DIDO1: variants seen among roughly 807,000 people sequenced by gnomAD.
The protein encoded by DIDO1 is death-inducer obliterator 1.
A neutral mutation model predicts 99.4 loss-of-function variants in DIDO1; 16 were observed. That is an observed-to-expected ratio of 0.16 (90% confidence interval 0.11 to 0.24). The LOEUF (loss-of-function observed/expected upper bound fraction) is 0.24, where lower values mean the gene tolerates loss of function less well. DIDO1 is among the 10% of genes least tolerant of loss of function. DIDO1 has a pLI of 1.00. For synonymous variants in DIDO1, 1,366 were observed against 1,239.1 expected (o/e 1.10, Z -2.15); for missense variants, 2,996 against 3,014.0 (o/e 0.99, Z 0.14).
chr20:62,881,930 G>T lies in DIDO1; in HGVS notation c.4026C>A (p.Leu1342=), dbSNP rs1600903056. The T allele has an allele frequency of 2.5e-6, 4 of 1,613,450 alleles. No individual in the cohort carries two copies. Among genetic ancestry groups the T allele is most frequent in the South Asian group, 1.1e-5 (1 of 91,084 alleles). The change falls in exon 16 of 16, where the codon CTC becomes CTA. Residue 1342 remains leucine (L), a synonymous_variant. Transcript: ENST00000395343. The surrounding 1 kb of genome is among the most constrained non-coding windows in gnomAD (Gnocchi z 8.3). The stretch of plus-strand genomic sequence containing the variant: ...CTGCTGTGGTTTTGGGCTCCTGGGG[G>T]AGACCTGCGGTGGACCCGGGAGGCT... The part of the protein sequence containing the change: ...AREPPGSTAG[L]PQEPKTTAED...
chr20:62,927,415 C>T (rs1403620752), upstream of DIDO1, among the ~76,000 whole-genome samples: 2 of 152,210 alleles, frequency 1.3e-5, no homozygotes, highest in African/African-American at 4.8e-5. Flanking sequence ...CACTCTATCA[C>T]CTGTCTGTCC....
intron 15 of DIDO1, chr20:62,888,675 TGCACAC>T (rs2064340262): frequency 1.0e-6 from 1 of 985,322 alleles, no homozygotes; most frequent in South Asian, 4.7e-5. Flanking sequence ...CGCGCGCACA[TGCACAC>T]GCACTACACA....
chr20:62,923,765 T>C (rs2065200668), intron 1 of DIDO1, among the ~76,000 whole-genome samples: 1 of 152,332 alleles, frequency 6.6e-6, no homozygotes, highest in Non-Finnish European at 1.5e-5. Flanking sequence ...TACCTTATTA[T>C]AAAGGTATAT....
At chr20:62,892,506 C>T (rs2064419920) in intron 13 of DIDO1, among the ~76,000 whole-genome samples, 1 of 152,216 alleles carries the variant, frequency 6.6e-6, no homozygotes, top group Admixed American at 6.5e-5. Context: ...GAACACCTGG[C>T]TGTGCCGGTG....
chr20:62,922,018 CAATA>C (rs1208255692), intron 1 of DIDO1, among the ~76,000 whole-genome samples: 2 of 147,748 alleles, frequency 1.4e-5, no homozygotes, highest in Admixed American at 6.8e-5. Flanking sequence ...TATATCCACA[CAATA>C]TATATCCACA....
At chr20:62,926,021 AG>A (rs1555852560) in intron 1 of DIDO1, among the ~76,000 whole-genome samples, 1 of 151,996 alleles carries the variant, frequency 6.6e-6, no homozygotes, top group Non-Finnish European at 1.5e-5. Context: ...GAGAATGCCT[AG>A]GGAAACCAGC....
chr20:62,935,579 A>G (rs2065374192), intron 1 of DIDO1, among the ~76,000 whole-genome samples: 1 of 152,120 alleles, frequency 6.6e-6, no homozygotes. Flanking sequence ...TAGCCTAGGG[A>G]AGGCTGTTAG....
chr20:62,914,729 C>G (rs2065008864), intron 1 of DIDO1, among the ~76,000 whole-genome samples: 1 of 152,174 alleles, frequency 6.6e-6, no homozygotes, highest in Non-Finnish European at 1.5e-5. Context: ...AGCTTCTTTT[C>G]CATTTGGAGC....
exon 1 of DIDO1, chr20:62,937,881 G>A (rs1266841898): frequency 1.3e-5 from 5 of 398,378 alleles, no homozygotes; most frequent in Admixed American, 4.4e-5. Flanking sequence ...TCTTGCCAGA[G>A]GGCCGACGCC....
In DIDO1 at chr20:62,911,199, A is replaced by T. The variant is rs1304167956; in HGVS notation, c.414T>A (p.Ser138=). 1 of 1,613,672 alleles carries T rather than the reference A, an allele frequency of 6.2e-7. No individual in the cohort carries two copies. Among genetic ancestry groups the T allele is most frequent in the Admixed American group, 1.7e-5 (1 of 60,000 alleles). ...ASTAVKERPA[S]SEKVKGGDDH... is the part of the protein sequence containing the mutation. ...CATCCCCTCCTTTCACCTTTTCAGA[A>T]GAGGCTGGTCGTTCCTTCACAGCTG... is the stretch of plus-strand genomic sequence containing the variant. Residue 138 remains serine (S), a synonymous_variant, in exon 3 of 16, where the codon TCT becomes TCA. Coordinates refer to ENST00000395343, the MANE Select transcript of DIDO1 (RefSeq NM_001193369.2). This position sits in a 1 kb window ranked among gnomAD's most constrained non-coding sequence, Gnocchi z 7.0.
rs1197665110 is a variant in DIDO1, at chr20:62,905,547, C to G, written c.1588+340G>C. On this transcript the variant is annotated intron_variant, in intron 6 of 15. Transcript: ENST00000395343. ...ACAGGGGTGGATGTGGCGTGCCGGG[C>G]AGTGTGGCTATGCAATCAGACTGGG... 5.2e-6 allele frequency: 8 copies of G among 1,551,004 alleles called. No homozygotes were observed. The South Asian group carries it at 5.9e-5, about 12-fold the overall frequency.
At chr20:62,919,575 A>C (rs2065098599) in intron 1 of DIDO1, among the ~76,000 whole-genome samples, 1 of 152,110 alleles carries the variant, frequency 6.6e-6, no homozygotes, top group Non-Finnish European at 1.5e-5. Context: ...AGGGTGCCAC[A>C]ACACAGTATG....
intron 6 of DIDO1, among the ~76,000 whole-genome samples, chr20:62,897,249 C>G (rs2064557631): frequency 6.6e-6 from 1 of 152,246 alleles, no homozygotes; most frequent in Admixed American, 6.5e-5. Flanking sequence ...CTTTTACCTT[C>G]AACCAGCAAA....
rs1032365379 is a variant in DIDO1 at position 62,894,272 on chromosome 20, C to T, written c.2573-78G>A. ...TTCTCACACAAAGCCGAAAGCAATACTCTAAAGGCAGGGCAGGAAATCATT... is the reference window on the plus strand; with the variant it reads ...TTCTCACACAAAGCCGAAAGCAATATTCTAAAGGCAGGGCAGGAAATCATT... On this transcript the variant is annotated intron_variant, in intron 11 of 15. Transcript: ENST00000395343. The surrounding 1 kb of genome is among the most constrained non-coding windows in gnomAD (Gnocchi z 4.4). The T allele has an allele frequency of 9.6e-5, 152 of 1,577,694 alleles. 3 individuals carry two copies. In the South Asian group the frequency reaches 1.7e-3, roughly 18 times the overall value.
At chr20:62,888,522 CCT>C (rs2064336168) in intron 15 of DIDO1, 28 of 985,568 alleles carry the variant, frequency 2.8e-5, no homozygotes, top group Admixed American at 6.1e-5. Flanking sequence ...CACGCTCACC[CCT>C]GACCACAGCT....
chr20:62,935,477 G>A (rs1040291480), intron 1 of DIDO1, among the ~76,000 whole-genome samples: 1 of 152,190 alleles, frequency 6.6e-6, no homozygotes, highest in Admixed American at 6.5e-5. Context: ...TTAGGATTCT[G>A]TGCAAGCATA....
At chr20:62,882,632 C>T (rs1460214655) in intron 15 of DIDO1, among the ~76,000 whole-genome samples, 1 of 133,562 alleles carries the variant, frequency 7.5e-6, no homozygotes, top group Non-Finnish European at 1.6e-5. Context: ...CACACCGTGC[C>T]AGGAATGCAC....
Position 62,879,950 on chromosome 20 carries a change from A to G in DIDO1, c.6006T>C (p.Asn2002=), listed in dbSNP as rs2064169456. Reference sequence around the variant, plus strand: ...AGTGAAATCGCGAAGGGGTCTGCTCATTTTTTTCAGAAAAGGGTGCGGACC... The same window carrying G: ...AGTGAAATCGCGAAGGGGTCTGCTCGTTTTTTTCAGAAAAGGGTGCGGACC... ...LRGSAPFSEK[N]EQTPSRFHFQ... Residue 2002 remains asparagine, a synonymous_variant, in exon 16 of 16, where the codon AAT becomes AAC. Coordinates refer to ENST00000395343, the MANE Select transcript of DIDO1 (RefSeq NM_001193369.2). This position sits in a 1 kb window ranked among gnomAD's most constrained non-coding sequence, Gnocchi z 6.3. The G allele has an allele frequency of 6.2e-7, 1 of 1,604,688 alleles. No homozygotes were observed. Among genetic ancestry groups the G allele is most frequent in the Non-Finnish European group, 8.5e-7 (1 of 1,177,254 alleles).
At chr20:62,927,836 C>CT (rs2065280095), upstream of DIDO1, among the ~76,000 whole-genome samples, 1 of 152,230 alleles carries the variant, frequency 6.6e-6, no homozygotes, top group South Asian at 2.1e-4. Context: ...ATTAGGACCA[C>CT]ATTAATAGAA....
Sources: gnomAD v4.1 joint callset for allele counts (sites outside exome capture counted in the v4.1 genomes callset) on GRCh38, gnomAD v4.1.1 for gene constraint, Gnocchi (gnomAD v3.1) non-coding constraint, MANE v1.5 for transcripts, NCBI Gene and HGNC (gene_info 2026-07-23, HGNC 2026-07-21) for gene names.